Variants in SGMS1 observed in about 807,000 individuals in gnomAD.
The protein encoded by SGMS1 is sphingomyelin synthase 1.
SGMS1 carries 13 observed loss-of-function variants against 46.2 expected under a neutral mutation model. The observed-to-expected ratio is 0.28, with a 90% CI of 0.18 to 0.45. The LOEUF is 0.45. SGMS1 is among the 20% of genes least tolerant of loss of function. SGMS1 has a pLI of 1.00. For synonymous variants in SGMS1, 203 were observed against 187.8 expected (o/e 1.08, Z -0.66); for missense variants, 324 against 519.9 (o/e 0.62, Z 3.66).
At chr10:50,536,420 T>C (rs745591588) in intron 2 of SGMS1, among the ~76,000 whole-genome samples, 8 of 152,178 alleles carry the variant, frequency 5.3e-5, no homozygotes, top group Non-Finnish European at 7.3e-5. Context: ...TGATAGAATA[T>C]ATAATTATTG....
At chr10:50,314,527 A>G (rs1847308331) in intron 8 of SGMS1, among the ~76,000 whole-genome samples, 1 of 152,238 alleles carries the variant, frequency 6.6e-6, no homozygotes, top group African/African-American at 2.4e-5. Context: ...CCAGCAATTT[A>G]AACAGTCATA....
At chr10:50,513,464 C>G (rs1837774937) in intron 3 of SGMS1, among the ~76,000 whole-genome samples, 1 of 152,146 alleles carries the variant, frequency 6.6e-6, no homozygotes, top group African/African-American at 2.4e-5. Context: ...CCACCCCCAT[C>G]CCAAGCCAAA....
At chr10:50,358,063 T>C (rs1004722963) in intron 6 of SGMS1, among the ~76,000 whole-genome samples, 4 of 152,192 alleles carry the variant, frequency 2.6e-5, no homozygotes, top group Non-Finnish European at 5.9e-5. Flanking sequence ...GAGAATCTCT[T>C]GAGGCCAGGA....
intron 5 of SGMS1, among the ~76,000 whole-genome samples, chr10:50,433,950 C>T (rs947111872): frequency 3.3e-5 from 5 of 152,152 alleles, no homozygotes; most frequent in Admixed American, 1.3e-4. Flanking sequence ...AAGGACTAAA[C>T]GAGACACCAA....
At chr10:50,369,619 C>CA (rs1399197213) in intron 6 of SGMS1, among the ~76,000 whole-genome samples, 2 of 149,268 alleles carry the variant, frequency 1.3e-5, no homozygotes, top group East Asian at 3.9e-4. Context: ...TCACTAGTTA[C>CA]AAAAAAATGA....
rs1195598939 is a variant in SGMS1, at chr10:50,487,146, AG to A, written c.-497-20215del. ...TGCATAGTGGGGAACAACAGACACCAGGGCCTATCAAAGGGTAGAGGGTGGA... is the reference window on the plus strand; with the variant it reads ...TGCATAGTGGGGAACAACAGACACCAGGCCTATCAAAGGGTAGAGGGTGGA... On this transcript the variant is annotated intron_variant, in intron 3 of 10. Coordinates refer to ENST00000361781, the MANE Select transcript of SGMS1 (RefSeq NM_147156.4). Among the ~76,000 whole-genome samples, 9 of 152,316 alleles carry A rather than the reference AG, an allele frequency of 5.9e-5. No individual in the cohort carries two copies. In the East Asian group the frequency reaches 1.7e-3, roughly 29 times the overall value.
chr10:50,448,821 C>T (rs1309309346), intron 5 of SGMS1, among the ~76,000 whole-genome samples: 1 of 150,250 alleles, frequency 6.7e-6, no homozygotes. Context: ...CTGATAAAGA[C>T]TTGTTATCCA....
chr10:50,464,157 T>C (rs950490449), intron 4 of SGMS1, among the ~76,000 whole-genome samples: 1 of 152,224 alleles, frequency 6.6e-6, no homozygotes, highest in Non-Finnish European at 1.5e-5. Flanking sequence ...AAAATGGTTA[T>C]ATTTTATATT....
rs533177721 is a variant in SGMS1 at position 50,488,520 on chromosome 10, C to A, written c.-497-21588G>T. On this transcript the variant is annotated intron_variant, in intron 3 of 10. Coordinates refer to ENST00000361781, the MANE Select transcript of SGMS1 (RefSeq NM_147156.4). ...AGAAATTAATATCGGGCTTTTTAAT[C>A]AGTGGTCTCTCTTTCATAAAAGTCA... is the stretch of plus-strand genomic sequence containing the variant. Among the ~76,000 whole-genome samples the A allele has an allele frequency of 7.1e-4, 108 of 152,286 alleles. 1 individual carries two copies. The highest frequency in any genetic ancestry group is 2.6e-3 in the African/African-American group (107 of 41,558).
At chr10:50,453,633 C>T (rs996247859) in intron 5 of SGMS1, among the ~76,000 whole-genome samples, 27 of 150,370 alleles carry the variant, frequency 1.8e-4, no homozygotes, top group African/African-American at 6.1e-4. Flanking sequence ...CTTCGATTTC[C>T]GGAAAGAAAT....
chr10:50,467,975 A>T (rs1837345530), intron 3 of SGMS1, among the ~76,000 whole-genome samples: 1 of 152,142 alleles, frequency 6.6e-6, no homozygotes, highest in Non-Finnish European at 1.5e-5. Context: ...GGAGGAATGG[A>T]CTTCTGGGAA....
At chr10:50,493,358 A>G (rs748089490) in intron 3 of SGMS1, among the ~76,000 whole-genome samples, 5 of 152,208 alleles carry the variant, frequency 3.3e-5, no homozygotes, top group African/African-American at 4.8e-5. Flanking sequence ...CAAAACTAGA[A>G]AAGCCCTGGA....
At chr10:50,625,096 T>C, upstream of SGMS1, 1 of 985,230 alleles carries the variant, frequency 1.0e-6, no homozygotes, top group Non-Finnish European at 1.2e-6. Flanking sequence ...CGCCTTGGGG[T>C]ATAGGAGTCC....
intron 3 of SGMS1, among the ~76,000 whole-genome samples, chr10:50,491,227 G>T (rs1315522726): frequency 6.6e-6 from 1 of 152,120 alleles, no homozygotes; most frequent in Non-Finnish European, 1.5e-5. Flanking sequence ...GGCAGTACGG[G>T]CCTATAGTCC....
At chr10:50,309,812 C>T (rs1847228280) in intron 9 of SGMS1, among the ~76,000 whole-genome samples, 3 of 152,160 alleles carry the variant, frequency 2.0e-5, no homozygotes, top group Admixed American at 1.3e-4. Flanking sequence ...TCGACCCAGT[C>T]CACTACCTGT....
rs11398784 is a variant in SGMS1 at position 50,434,883 on chromosome 10, C to CAA, written c.-312-1329_-312-1328dup. On this transcript the variant is annotated intron_variant, in intron 5 of 10. Transcript: ENST00000361781. The stretch of plus-strand genomic sequence containing the variant: ...TGGGCGACAGAGCAAGACTCCGTCT[C>CAA]AAAAAAAAAAAAAAAAGACAGGAGG... 4.2e-3 allele frequency among the ~76,000 whole-genome samples: 463 copies of CAA among 110,230 alleles called. 3 individuals are homozygous for CAA. The highest frequency in any genetic ancestry group is 8.4e-3 in the African/African-American group (237 of 28,050). The allele number at this position is 110,230 out of a possible 152,430, so 72.3% of individuals were successfully genotyped here. A position where few individuals can be genotyped will look rare whatever the true frequency, so the allele number is the denominator to read the frequency against.
At chr10:50,545,109 C>T (rs1054443305) in intron 2 of SGMS1, among the ~76,000 whole-genome samples, 3 of 152,068 alleles carry the variant, frequency 2.0e-5, no homozygotes, top group Admixed American at 1.3e-4. Context: ...AGCTATTTCC[C>T]GGAAGCACAC....
At chr10:50,350,729 G>A (rs950044684) in intron 6 of SGMS1, among the ~76,000 whole-genome samples, 1 of 152,230 alleles carries the variant, frequency 6.6e-6, no homozygotes, top group African/African-American at 2.4e-5. Flanking sequence ...CGGGTGCACA[G>A]AAGTCAAGAA....
intron 2 of SGMS1, among the ~76,000 whole-genome samples, chr10:50,586,544 A>G (rs544834460): frequency 7.9e-4 from 120 of 152,254 alleles, no homozygotes; most frequent in Non-Finnish European, 1.4e-3. Context: ...ATATTCATCA[A>G]TTGCCTGTTG....
Sources: allele counts gnomAD v4.1 joint callset (sites outside exome capture counted in the v4.1 genomes callset), GRCh38; gene constraint gnomAD v4.1.1; transcripts MANE v1.5; gene names NCBI Gene and HGNC (gene_info 2026-07-23, HGNC 2026-07-21).